COL21A1: variants seen among roughly 807,000 people sequenced by gnomAD.
COL21A1 encodes collagen type XXI alpha 1 chain.
In COL21A1, 149 loss-of-function variants were observed where a neutral mutation model predicts 137.9. The observed-to-expected ratio is 1.08, with a 90% CI of 0.95 to 1.24. COL21A1 has a LOEUF of 1.24. Among genes scored for constraint, COL21A1 ranks in the 50% most tolerant of loss-of-function variants. The pLI, the probability that COL21A1 is intolerant of heterozygous loss-of-function variation, is 0.00. For missense variants in COL21A1, 1,167 were observed against 1,158.4 expected (o/e 1.01, Z -0.11); for synonymous variants, 456 against 391.5 (o/e 1.16, Z -1.95).
At chr6:56,206,820 GA>G (rs1311960073) in intron 1 of COL21A1, among the ~76,000 whole-genome samples, 1 of 150,110 alleles carries the variant, frequency 6.7e-6, no homozygotes, top group Admixed American at 6.7e-5. Flanking sequence ...GCAAAAGAAT[GA>G]AAATCATAAC....
chr6:56,344,847 C>T (rs1373291841), intron 1 of COL21A1, among the ~76,000 whole-genome samples: 2 of 74,198 alleles, frequency 2.7e-5, no homozygotes, highest in Non-Finnish European at 5.9e-5. Context: ...GCCTGCTTCC[C>T]CTTTGCCTTC....
At chr6:56,228,996 T>C (rs1781379936) in intron 1 of COL21A1, among the ~76,000 whole-genome samples, 1 of 152,016 alleles carries the variant, frequency 6.6e-6, no homozygotes, top group Non-Finnish European at 1.5e-5. Context: ...ATCTCTTTCA[T>C]AGAAATGTCA....
At chr6:56,150,857 A>C (rs1582491663) in intron 10 of COL21A1, among the ~76,000 whole-genome samples, 1 of 152,326 alleles carries the variant, frequency 6.6e-6, no homozygotes, top group Non-Finnish European at 1.5e-5. Flanking sequence ...TATGCTCAGC[A>C]AAGAGTAAAA....
At chr6:56,244,679 T>C (rs1218651815) in intron 1 of COL21A1, among the ~76,000 whole-genome samples, 1 of 152,172 alleles carries the variant, frequency 6.6e-6, no homozygotes, top group East Asian at 1.9e-4. Flanking sequence ...CTTATAGAAG[T>C]CATATATGAT....
At chr6:56,291,009 G>A (rs1345988802) in intron 1 of COL21A1, among the ~76,000 whole-genome samples, 3 of 152,032 alleles carry the variant, frequency 2.0e-5, no homozygotes, top group Admixed American at 1.3e-4. Flanking sequence ...ATGGACCAGC[G>A]ACTGGGCATT....
chr6:56,170,832 A>G lies in COL21A1; in HGVS notation c.843T>C (p.Tyr281=). 1 of 1,611,222 alleles carries G rather than the reference A, an allele frequency of 6.2e-7. No homozygotes were observed. The highest frequency in any genetic ancestry group is 1.1e-5 in the South Asian group (1 of 90,826). Reference sequence around the variant, plus strand: ...TAAATCTTTGAGTAGACACAAATACATATGATGGAGGAAGACCTTCTGGGA... The same window carrying G: ...TAAATCTTTGAGTAGACACAAATACGTATGATGGAGGAAGACCTTCTGGGA... The part of the protein sequence containing the change: ...NVFPEGLPPS[Y]VFVSTQRFKV... Residue 281 remains tyrosine, a synonymous_variant, in exon 5 of 30, where the codon TAT becomes TAC. Transcript: ENST00000244728.
chr6:56,272,500 T>A (rs1417576534), intron 1 of COL21A1, among the ~76,000 whole-genome samples: 1 of 152,178 alleles, frequency 6.6e-6, no homozygotes, highest in Non-Finnish European at 1.5e-5. Flanking sequence ...AATGCTGGAA[T>A]GAGTTTAGAC....
intron 1 of COL21A1, among the ~76,000 whole-genome samples, chr6:56,340,641 G>C (rs1765443778): frequency 6.6e-6 from 1 of 152,118 alleles, no homozygotes; most frequent in African/African-American, 2.4e-5. Context: ...TCTGTTGGCT[G>C]TGTTTATTTT....
chr6:56,350,819 G>A (rs990421526), intron 1 of COL21A1, among the ~76,000 whole-genome samples: 2 of 152,216 alleles, frequency 1.3e-5, no homozygotes, highest in East Asian at 3.8e-4. Flanking sequence ...CAGCGTTAGT[G>A]CGAAATGCCC....
intron 1 of COL21A1, among the ~76,000 whole-genome samples, chr6:56,280,784 G>T (rs1318792312): frequency 6.6e-6 from 1 of 152,096 alleles, no homozygotes; most frequent in Non-Finnish European, 1.5e-5. Context: ...AGGTCAATGT[G>T]GGTGGATTAT....
At chr6:56,194,533 T>A (rs1382924911) in intron 1 of COL21A1, among the ~76,000 whole-genome samples, 2 of 152,122 alleles carry the variant, frequency 1.3e-5, no homozygotes, top group Non-Finnish European at 2.9e-5. Context: ...TGCACCAAAG[T>A]TTTATAAATT....
At position 56,170,771 on chromosome 6, in the gene COL21A1, T is replaced by C; in HGVS notation, c.904A>G (p.Thr302Ala). ...GCTATTTGTGGCCTTCCATCAATAG[T>C]TAATATTCTCCATAAATCCCAAATT... ...KKIWDLWRIL[T>A]IDGRPQIAVT... is the part of the protein sequence containing the mutation. Residue 302 changes from threonine (T) to alanine (A), a missense_variant, in exon 5 of 30, where the codon ACT (threonine) becomes GCT (alanine). Physicochemically the swap from Thr to Ala is moderately conservative, Grantham distance 58. Coordinates refer to ENST00000244728, the MANE Select transcript of COL21A1 (RefSeq NM_030820.4). 1 of 1,608,200 alleles carries C rather than the reference T, an allele frequency of 6.2e-7. No homozygotes were observed. The highest frequency in any genetic ancestry group is 8.5e-7 in the Non-Finnish European group (1 of 1,176,174).
At chr6:56,334,983 G>T (rs1258509560) in intron 1 of COL21A1, among the ~76,000 whole-genome samples, 1 of 152,116 alleles carries the variant, frequency 6.6e-6, no homozygotes, top group Non-Finnish European at 1.5e-5. Context: ...TGTGAGAAAT[G>T]AATTTATCTT....
chr6:56,202,559 C>T (rs1384257213), intron 1 of COL21A1, among the ~76,000 whole-genome samples: 1 of 152,056 alleles, frequency 6.6e-6, no homozygotes, highest in Non-Finnish European at 1.5e-5. Context: ...CTTATTTGAC[C>T]CCACTGATAA....
intron 1 of COL21A1, among the ~76,000 whole-genome samples, chr6:56,392,460 T>C (rs1474063100): frequency 6.6e-6 from 1 of 152,186 alleles, no homozygotes; most frequent in Non-Finnish European, 1.5e-5. Context: ...TTTTCACTAC[T>C]GTTTTTTCAA....
intron 1 of COL21A1, among the ~76,000 whole-genome samples, chr6:56,343,090 G>A (rs1444425252): frequency 1.3e-5 from 2 of 152,144 alleles, no homozygotes; most frequent in Non-Finnish European, 2.9e-5. Flanking sequence ...GACAGTCCCA[G>A]GAAAATGATG....
At chr6:56,200,456 T>TC (rs1329273085) in intron 1 of COL21A1, among the ~76,000 whole-genome samples, 2 of 77,194 alleles carry the variant, frequency 2.6e-5, no homozygotes, top group African/African-American at 5.3e-5. Flanking sequence ...CCCTCCCCCC[T>TC]CCCCCCACCC....
chr6:56,183,380 C>T (rs1293078394), intron 1 of COL21A1, among the ~76,000 whole-genome samples: 2 of 152,164 alleles, frequency 1.3e-5, no homozygotes, highest in East Asian at 1.9e-4. Flanking sequence ...TTCACAACTG[C>T]TTTAATCTCT....
chr6:56,192,244 A>G (rs1778735463), intron 1 of COL21A1, among the ~76,000 whole-genome samples: 1 of 152,216 alleles, frequency 6.6e-6, no homozygotes, highest in South Asian at 2.1e-4. Flanking sequence ...AACCATAAAA[A>G]TCCCAGAAGA....
Sources: gnomAD v4.1 joint callset for allele counts (sites outside exome capture counted in the v4.1 genomes callset) on GRCh38, gnomAD v4.1.1 for gene constraint, MANE v1.5 for transcripts, NCBI Gene and HGNC (gene_info 2026-07-23, HGNC 2026-07-21) for gene names.